Variants in PTDSS1 observed in about 807,000 individuals in gnomAD.
PTDSS1 encodes phosphatidylserine synthase 1, also known as PSS-1.
Under a neutral mutation model 70.5 loss-of-function variants are expected in PTDSS1, and 45 were observed. The ratio of observed to expected loss-of-function variants is 0.64; its 90% CI spans 0.50 to 0.82. The LOEUF is 0.82. PTDSS1 is among the 40% of genes least tolerant of loss of function. The pLI, the probability that PTDSS1 is intolerant of heterozygous loss-of-function variation, is 0.00. For missense variants in PTDSS1, 417 were observed against 586.1 expected (o/e 0.71, Z 2.98); for synonymous variants, 188 against 203.8 (o/e 0.92, Z 0.66).
At position 96,292,232 on chromosome 8, in the gene PTDSS1, G is replaced by A. The variant is rs1225258265; in HGVS notation, c.442-2866G>A. Among the ~76,000 whole-genome samples the A allele has an allele frequency of 7.4e-5, 11 of 148,492 alleles. 1 individual carries two copies. The highest frequency in any genetic ancestry group is 2.5e-4 in the African/African-American group (10 of 40,396). ...GGAGAATCATTTGAACCCGGGAGGC[G>A]GAGGTTGCAGTGAGCCGAGATGGTG... On this transcript the variant is annotated intron_variant, in intron 4 of 12. Coordinates refer to ENST00000517309, the MANE Select transcript of PTDSS1 (RefSeq NM_014754.3).
chr8:96,314,357 G>C (rs1811254615), intron 9 of PTDSS1, among the ~76,000 whole-genome samples: 2 of 152,122 alleles, frequency 1.3e-5, no homozygotes, highest in African/African-American at 4.8e-5. Context: ...TAGACTGTCT[G>C]TCTTAAGGGT....
At chr8:96,283,795 G>A in intron 2 of PTDSS1, 1 of 301,530 alleles carries the variant, frequency 3.3e-6, no homozygotes, top group South Asian at 5.1e-5. Context: ...CTTAAGCCTA[G>A]CCTGATGACC....
At position 96,334,466 on chromosome 8, in the gene PTDSS1, A is replaced by G. The variant is rs1352319499; in HGVS notation, c.*900A>G. 6.6e-6 allele frequency: 1 copy of G among 152,624 alleles called. No homozygotes were observed. The highest frequency in any genetic ancestry group is 6.5e-5 in the Admixed American group (1 of 15,278). The allele number at this position is 152,624 out of a possible 1,614,324, so 9.5% of individuals were successfully genotyped here. A position where few individuals can be genotyped will look rare whatever the true frequency, so the allele number is the denominator to read the frequency against. Reference sequence around the variant, plus strand: ...GTGAGTATTACCTTTCATCTGTGCCATGCTCTAGAACCTTGACCTTGATAG... The same window carrying G: ...GTGAGTATTACCTTTCATCTGTGCCGTGCTCTAGAACCTTGACCTTGATAG... On this transcript the variant is annotated 3_prime_UTR_variant, in exon 13 of 13. Coordinates refer to ENST00000517309, the MANE Select transcript of PTDSS1 (RefSeq NM_014754.3).
chr8:96,267,489 T>G (rs1411622310), intron 1 of PTDSS1, among the ~76,000 whole-genome samples: 2 of 152,178 alleles, frequency 1.3e-5, no homozygotes, highest in East Asian at 1.9e-4. Context: ...CCCTGTGATC[T>G]TTTTAGACAA....
rs1194531648 is a variant in PTDSS1 at position 96,262,957 on chromosome 8, AC to A, written c.179+740del. On this transcript the variant is annotated intron_variant, in intron 1 of 12. Coordinates refer to ENST00000517309, the MANE Select transcript of PTDSS1 (RefSeq NM_014754.3). This position sits in a 1 kb window ranked among gnomAD's most constrained non-coding sequence, Gnocchi z 4.4. ...CATCTGTGTACATGGCTGCACAGAC[AC>A]CAGCCCGCCACACATCACGCGGTGC... Among the ~76,000 whole-genome samples, 1 of 152,090 alleles carries A rather than the reference AC, an allele frequency of 6.6e-6. No homozygotes were observed. The highest frequency in any genetic ancestry group is 2.4e-5 in the African/African-American group (1 of 41,392).
At chr8:96,300,124 C>T in intron 6 of PTDSS1, among the ~76,000 whole-genome samples, 1 of 152,102 alleles carries the variant, frequency 6.6e-6, no homozygotes, top group East Asian at 1.9e-4. Flanking sequence ...TCTTTTTTAT[C>T]CCGACTGCCT....
chr8:96,315,591 T>G (rs1811276555), intron 9 of PTDSS1, among the ~76,000 whole-genome samples: 1 of 152,032 alleles, frequency 6.6e-6, no homozygotes, highest in Admixed American at 6.5e-5. Context: ...AACATCATCT[T>G]TTTTCCCACA....
chr8:96,333,691 G>A lies in PTDSS1; in HGVS notation c.*125G>A, dbSNP rs557709737. 3.4e-6 allele frequency: 3 copies of A among 885,408 alleles called. No individual in the cohort carries two copies. Among genetic ancestry groups the A allele is most frequent in the African/African-American group, 3.3e-5 (2 of 60,566 alleles). The allele number at this position is 885,408 out of a possible 1,614,324, so 54.8% of individuals were successfully genotyped here. A position where few individuals can be genotyped will look rare whatever the true frequency, so the allele number is the denominator to read the frequency against. ...AAGCAGGAAGAGGCGAGGGCACTTG[G>A]GGGTCATTATTTGAGATCGTAAGTC... On this transcript the variant is annotated 3_prime_UTR_variant, in exon 13 of 13. Coordinates refer to ENST00000517309, the MANE Select transcript of PTDSS1 (RefSeq NM_014754.3).
rs546557686 is a variant in PTDSS1, at chr8:96,321,038, T to C, written c.1173+693T>C. On this transcript the variant is annotated intron_variant, in intron 10 of 12. Coordinates refer to ENST00000517309, the MANE Select transcript of PTDSS1 (RefSeq NM_014754.3). ...AAAAGTTCTTATTTTATATTTAAGC[T>C]TAAGATTTTTCACTTAGTCTAGAAA... 1.2e-4 allele frequency among the ~76,000 whole-genome samples: 18 copies of C among 152,396 alleles called. No individual in the cohort carries two copies. The East Asian group carries it at 3.3e-3, about 28-fold the overall frequency.
At chr8:96,268,600 G>A (rs560953961) in intron 1 of PTDSS1, among the ~76,000 whole-genome samples, 17 of 151,896 alleles carry the variant, frequency 1.1e-4, no homozygotes, top group South Asian at 1.0e-3. Context: ...AGACAGAATC[G>A]GAGTCAGAGT....
At chr8:96,267,882 C>T (rs773150475) in intron 1 of PTDSS1, among the ~76,000 whole-genome samples, 2 of 152,198 alleles carry the variant, frequency 1.3e-5, no homozygotes, top group Non-Finnish European at 2.9e-5. Context: ...GCACCTCCCG[C>T]CACCTCCTGC....
intron 1 of PTDSS1, among the ~76,000 whole-genome samples, chr8:96,264,494 C>T (rs931448402): frequency 2.0e-5 from 3 of 152,066 alleles, no homozygotes; most frequent in Non-Finnish European, 4.4e-5. Context: ...AACATACATA[C>T]CTGTTTGATG....
At chr8:96,280,729 GAGTA>G (rs1369857243) in intron 2 of PTDSS1, among the ~76,000 whole-genome samples, 3 of 152,110 alleles carry the variant, frequency 2.0e-5, no homozygotes, top group Non-Finnish European at 4.4e-5. Flanking sequence ...ATAAGCAAGA[GAGTA>G]AGTAACCAAA....
intron 4 of PTDSS1, among the ~76,000 whole-genome samples, chr8:96,289,025 C>T (rs1328802687): frequency 6.6e-6 from 1 of 152,048 alleles, no homozygotes; most frequent in African/African-American, 2.4e-5. Context: ...ACCTCCACCT[C>T]CCTGGTTCAA....
At chr8:96,313,161 G>T (rs1811236601) in intron 9 of PTDSS1, among the ~76,000 whole-genome samples, 1 of 152,202 alleles carries the variant, frequency 6.6e-6, no homozygotes, top group Non-Finnish European at 1.5e-5. Context: ...CTTCTATAAA[G>T]ATGGTATCCT....
rs546347637 is a variant in PTDSS1 at position 96,290,759 on chromosome 8, T to C, written c.441+3613T>C. On this transcript the variant is annotated intron_variant, in intron 4 of 12. Transcript: ENST00000517309. Reference sequence around the variant, plus strand: ...ACTCCTTCATGTTGCTACCCATTCCTAATCTTGATAGACCATGATCCATGC... The same window carrying C: ...ACTCCTTCATGTTGCTACCCATTCCCAATCTTGATAGACCATGATCCATGC... Among the ~76,000 whole-genome samples the C allele has an allele frequency of 4.6e-5, 7 of 151,814 alleles. No individual in the cohort carries two copies. The East Asian group carries it at 1.4e-3, about 29-fold the overall frequency.
intron 11 of PTDSS1, 155 bp downstream of exon 11, chr8:96,330,436 A>C (rs1811499084): frequency 1.0e-5 from 7 of 691,286 alleles, no homozygotes; most frequent in Non-Finnish European, 1.5e-5. Context: ...GTCACAACTC[A>C]TTCCCTAGCC....
chr8:96,266,423 CT>C (rs972447465), intron 1 of PTDSS1, among the ~76,000 whole-genome samples: 2 of 152,156 alleles, frequency 1.3e-5, no homozygotes, highest in African/African-American at 2.4e-5. Flanking sequence ...CTTAATTTCC[CT>C]TATTGGCTTT....
chr8:96,335,765 C>T lies in PTDSS1; in HGVS notation c.*2199C>T, dbSNP rs547249933. ...CTGGCCAGAACCACAGCTGCTATTC[C>T]TTTTAGAAGCCATACTGCTGGGTTT... On this transcript the variant is annotated 3_prime_UTR_variant, in exon 13 of 13. Transcript: ENST00000517309. The T allele has an allele frequency of 1.1e-4, 16 of 152,318 alleles. No individual in the cohort carries two copies. The highest frequency in any genetic ancestry group is 4.6e-4 in the Admixed American group (7 of 15,296). The allele number at this position is 152,318 out of a possible 1,614,324, so 9.4% of individuals were successfully genotyped here.
Sources: allele counts gnomAD v4.1 joint callset (sites outside exome capture counted in the v4.1 genomes callset), GRCh38; gene constraint gnomAD v4.1.1; non-coding constraint Gnocchi (gnomAD v3.1); transcripts MANE v1.5; gene names NCBI Gene and HGNC (gene_info 2026-07-23, HGNC 2026-07-21).